ZNF415: variants seen among roughly 807,000 people sequenced by gnomAD.
The protein encoded by ZNF415 is zinc finger protein 415.
Under a neutral mutation model 7.3 loss-of-function variants are expected in ZNF415, and 5 were observed. The observed-to-expected ratio is 0.69, with a 90% CI of 0.36 to 1.44. The LOEUF (loss-of-function observed/expected upper bound fraction) is 1.44. Ranked by LOEUF, ZNF415 falls within the 40% of genes most tolerant of loss-of-function variation. The pLI, the probability that ZNF415 is intolerant of heterozygous loss-of-function variation, is 0.04. For synonymous variants in ZNF415, 207 were observed against 226.3 expected (o/e 0.91, Z 0.77); for missense variants, 628 against 664.8 (o/e 0.94, Z 0.61).
Position 53,108,822 on chromosome 19 carries a change from C to G in ZNF415, c.1223G>C (p.Gly408Ala). 6.2e-7 allele frequency: 1 copy of G among 1,614,062 alleles called. No homozygotes were observed. The highest frequency in any genetic ancestry group is 1.3e-5 in the African/African-American group (1 of 75,016). ...SLARHWRIHT[G>A]EKPYKCNECG... ...TTCATTGCATTTGTAAGGTTTCTCTCCAGTATGAATTCTCCAATGCCTTGC... is the reference window on the plus strand; with the variant it reads ...TTCATTGCATTTGTAAGGTTTCTCTGCAGTATGAATTCTCCAATGCCTTGC... The change falls in exon 4 of 4, where the codon GGA (glycine) becomes GCA (alanine). Residue 408 changes from glycine (G) to alanine (A), a missense_variant. By Grantham distance (60) the Gly-to-Ala change is moderately conservative (BLOSUM62 0). Transcript: ENST00000243643.
At position 53,132,898 on chromosome 19, in the gene ZNF415, C is replaced by T. The variant is rs2090277297; in HGVS notation, c.-110G>A. The T allele has an allele frequency of 6.6e-6, 1 of 152,206 alleles. No homozygotes were observed. Among genetic ancestry groups the T allele is most frequent in the African/African-American group, 2.4e-5 (1 of 41,432 alleles). 9.4% of individuals were successfully genotyped at this position (152,206 alleles called of 1,614,324 possible). Reference sequence around the variant, plus strand: ...TCACCCAACGCGATCCGTTTCCGGGCCTGTAGGAAACTGCGCATGCGCGGA... The same window carrying T: ...TCACCCAACGCGATCCGTTTCCGGGTCTGTAGGAAACTGCGCATGCGCGGA... On this transcript the variant is annotated 5_prime_UTR_variant, in exon 1 of 4. Transcript: ENST00000243643.
rs539152196 is a variant in ZNF415 at position 53,108,512 on chromosome 19, G to A, written c.1533C>T (p.Leu511=). The change falls in exon 4 of 4, where the codon CTC becomes CTT. Residue 511 remains leucine, a synonymous_variant. Transcript: ENST00000243643. ...CAGTATGGATTATCTGATGTCTAGT[G>A]AGGTTTGGGCGCACACTAAAGGATT... The part of the protein sequence containing the change: ...CGKSFSVRPN[L]TRHQIIHTGK... 1 of 1,614,054 alleles carries A rather than the reference G, an allele frequency of 6.2e-7. No individual in the cohort carries two copies. The highest frequency in any genetic ancestry group is 8.5e-7 in the Non-Finnish European group (1 of 1,179,950).
intron 1 of ZNF415, among the ~76,000 whole-genome samples, chr19:53,131,063 CTTTTTTTTTTT>C (rs59835974): frequency 9.7e-5 from 5 of 51,588 alleles, no homozygotes; most frequent in Non-Finnish European, 1.4e-4. Context: ...TTTCTTGCAA[CTTTTTTTTTTT>C]TTTTTTTTTT....
intron 2 of ZNF415, among the ~76,000 whole-genome samples, chr19:53,119,969 G>C (rs2087717702): frequency 7.0e-6 from 1 of 142,570 alleles, no homozygotes; most frequent in Admixed American, 7.5e-5. Context: ...AACTTTCAAA[G>C]AAGAACTAAG....
chr19:53,128,063 G>A (rs758398976), intron 1 of ZNF415, among the ~76,000 whole-genome samples: 29 of 151,888 alleles, frequency 1.9e-4, no homozygotes, highest in Admixed American at 6.6e-4. Flanking sequence ...TCATTCACCC[G>A]GCTCATCTAG....
intron 2 of ZNF415, among the ~76,000 whole-genome samples, chr19:53,121,472 G>A (rs978658703): frequency 1.3e-5 from 2 of 152,000 alleles, no homozygotes; most frequent in Non-Finnish European, 2.9e-5. Context: ...ACCCAGGCTG[G>A]AGTGCAGTGC....
At chr19:53,118,797 G>C (rs1302065644) in intron 2 of ZNF415, among the ~76,000 whole-genome samples, 2 of 151,744 alleles carry the variant, frequency 1.3e-5, no homozygotes, top group Admixed American at 1.3e-4. Flanking sequence ...TACAACAAAA[G>C]CAATGCTAAG....
intron 1 of ZNF415, among the ~76,000 whole-genome samples, chr19:53,128,696 AG>A (rs2089622901): frequency 8.6e-6 from 1 of 116,508 alleles, no homozygotes; most frequent in South Asian, 3.2e-4. Flanking sequence ...TTCAGGCCTC[AG>A]TGAGGCCTTC....
At position 53,108,287 on chromosome 19, in the gene ZNF415, G is replaced by A; in HGVS notation, c.*90C>T. On this transcript the variant is annotated 3_prime_UTR_variant, in exon 4 of 4. Coordinates refer to ENST00000243643, the MANE Select transcript of ZNF415 (RefSeq NM_018355.4). ...GGAGTGAATTGTGACTGAAAACCTTGCCACATTTATTATACTTGTATGGTT... is the reference window on the plus strand; with the variant it reads ...GGAGTGAATTGTGACTGAAAACCTTACCACATTTATTATACTTGTATGGTT... 3 of 1,286,836 alleles carry A rather than the reference G, an allele frequency of 2.3e-6. No homozygotes were observed. Among genetic ancestry groups the A allele is most frequent in the Non-Finnish European group, 2.1e-6 (2 of 944,312 alleles). The allele number at this position is 1,286,836 out of a possible 1,614,324, so 79.7% of individuals were successfully genotyped here.
chr19:53,130,726 A>C (rs2089958045), intron 1 of ZNF415, among the ~76,000 whole-genome samples: 1 of 151,966 alleles, frequency 6.6e-6, no homozygotes, highest in African/African-American at 2.4e-5. Context: ...GGCTCACTGC[A>C]ACCTCCGCCT....
intron 2 of ZNF415, among the ~76,000 whole-genome samples, chr19:53,118,041 C>G (rs2087341341): frequency 6.6e-6 from 1 of 151,956 alleles, no homozygotes; most frequent in Non-Finnish European, 1.5e-5. Flanking sequence ...GCGTGTAACC[C>G]AACTATATGC....
chr19:53,116,925 C>T (rs1444827524), intron 2 of ZNF415, among the ~76,000 whole-genome samples: 1 of 152,020 alleles, frequency 6.6e-6, no homozygotes, highest in African/African-American at 2.4e-5. Flanking sequence ...ATGGGGCAGG[C>T]ACCATAAGGT....
intron 1 of ZNF415, among the ~76,000 whole-genome samples, chr19:53,131,959 C>T (rs1228210346): frequency 6.6e-6 from 1 of 151,998 alleles, no homozygotes; most frequent in Admixed American, 6.6e-5. Context: ...GCCCTGTCTG[C>T]CCTGGCTCCA....
At chr19:53,110,298 A>G (rs1286601796) in intron 3 of ZNF415, among the ~76,000 whole-genome samples, 1 of 152,230 alleles carries the variant, frequency 6.6e-6, no homozygotes, top group East Asian at 1.9e-4. Context: ...TACTGTGCCC[A>G]TATAAATGAA....
Position 53,108,562 on chromosome 19 carries a change from G to C in ZNF415, c.1483C>G (p.Pro495Ala). The C allele has an allele frequency of 6.2e-7, 1 of 1,613,984 alleles. No homozygotes were observed. The change falls in exon 4 of 4, where the codon CCT becomes GCT. Residue 495 changes from proline (P) to alanine (A), a missense_variant. Coordinates refer to ENST00000243643, the MANE Select transcript of ZNF415 (RefSeq NM_018355.4). ...TTGCCACACTCATTACATTTGTAAGGTTTTTCTCCAGTATGGATGACCTGA... is the reference window on the plus strand; with the variant it reads ...TTGCCACACTCATTACATTTGTAAGCTTTTTCTCCAGTATGGATGACCTGA... ...THQVIHTGEK[P>A]YKCNECGKSF... is the part of the protein sequence containing the mutation.
At chr19:53,115,650 T>TGTAATGGTGTGGC in intron 3 of ZNF415, 1 of 1,364,592 alleles carries the variant, frequency 7.3e-7, no homozygotes, top group Non-Finnish European at 1.0e-6. Context: ...TTGCTAAGAG[T>TGTAATGGTGTGGC]TTCCAAACAT....
intron 3 of ZNF415, among the ~76,000 whole-genome samples, chr19:53,111,871 C>A (rs2086288224): frequency 6.6e-6 from 1 of 152,096 alleles, no homozygotes; most frequent in African/African-American, 2.4e-5. Context: ...ATTCATGTAT[C>A]TAACCTAAAT....
chr19:53,118,633 C>G (rs2087433131), intron 2 of ZNF415, among the ~76,000 whole-genome samples: 1 of 151,838 alleles, frequency 6.6e-6, no homozygotes. Context: ...GAAATCAATA[C>G]CATGAGAAAC....
chr19:53,120,232 A>T lies in ZNF415; in HGVS notation c.15+2430T>A, dbSNP rs540799488. ...TCAAATACCATTACTTGATCATTAC[A>T]CATTCTATGACACACGTAACAAAAT... On this transcript the variant is annotated intron_variant, in intron 2 of 3. Transcript: ENST00000243643. Among the ~76,000 whole-genome samples, 5 of 152,352 alleles carry T rather than the reference A, an allele frequency of 3.3e-5. No individual in the cohort carries two copies. The East Asian group carries it at 9.6e-4, about 29-fold the overall frequency.
Sources: allele counts gnomAD v4.1 joint callset (sites outside exome capture counted in the v4.1 genomes callset), GRCh38; gene constraint gnomAD v4.1.1; transcripts MANE v1.5; gene names NCBI Gene and HGNC (gene_info 2026-07-23, HGNC 2026-07-21).